Variants in TUBGCP3 observed in about 807,000 individuals in gnomAD.
TUBGCP3 encodes the protein gamma-tubulin complex component 3.
In TUBGCP3, 50 loss-of-function variants were observed where a neutral mutation model predicts 123.1. That is an observed-to-expected ratio of 0.41 (90% CI 0.32 to 0.51). The LOEUF (loss-of-function observed/expected upper bound fraction) is 0.51. Among genes scored for constraint, TUBGCP3 ranks in the 20% least tolerant of loss-of-function variants. TUBGCP3 has a pLI of 0.36. For missense variants in TUBGCP3, 882 were observed against 1,127.0 expected, an observed-to-expected ratio of 0.78 and a Z score of 3.11; for synonymous variants, 405 against 413.9, an observed-to-expected ratio of 0.98 and a Z score of 0.26.
At chr13:112,581,503 TG>T (rs996639226) in intron 1 of TUBGCP3, among the ~76,000 whole-genome samples, 3 of 152,014 alleles carry the variant, frequency 2.0e-5, no homozygotes, top group African/African-American at 7.2e-5. Context: ...TGGAGTGCAG[TG>T]GTAAGATCTC....
At chr13:112,522,835 C>T (rs907150096) in intron 13 of TUBGCP3, among the ~76,000 whole-genome samples, 2 of 152,210 alleles carry the variant, frequency 1.3e-5, no homozygotes, top group Non-Finnish European at 2.9e-5. Flanking sequence ...CTGAGTCACC[C>T]GTCCATACCC....
intron 20 of TUBGCP3, among the ~76,000 whole-genome samples, chr13:112,493,941 G>A (rs1369011833): frequency 1.3e-5 from 2 of 150,720 alleles, no homozygotes; most frequent in African/African-American, 4.9e-5. Flanking sequence ...ATGGCCTGGT[G>A]TCCCTGAGAT....
intron 14 of TUBGCP3, among the ~76,000 whole-genome samples, chr13:112,520,814 T>C (rs1399747725): frequency 6.6e-6 from 1 of 152,104 alleles, no homozygotes; most frequent in African/African-American, 2.4e-5. Flanking sequence ...AGCTAACACG[T>C]CTCTAATCGG....
chr13:112,580,202 A>G (rs773532304), intron 1 of TUBGCP3, among the ~76,000 whole-genome samples: 1 of 152,244 alleles, frequency 6.6e-6, no homozygotes, highest in African/African-American at 2.4e-5. Flanking sequence ...CTGTGAACCT[A>G]AACACTGAGA....
chr13:112,546,045 A>C lies in TUBGCP3; in HGVS notation c.1169-180T>G, dbSNP rs141082545. 7.7e-5 allele frequency: 46 copies of C among 594,294 alleles called. No individual in the cohort carries two copies. In the East Asian group the frequency reaches 1.1e-3, roughly 14 times the overall value. 36.8% of individuals were successfully genotyped at this position (594,294 alleles called of 1,614,324 possible). On this transcript the variant is annotated intron_variant, in intron 10 of 21. Coordinates refer to ENST00000261965, the MANE Select transcript of TUBGCP3 (RefSeq NM_006322.6). Reference sequence around the variant, plus strand: ...AACATGTCATGATTCAGAAACCAGGAGGTCCAGACTCCAACCCTGGCTTTA... The same window carrying C: ...AACATGTCATGATTCAGAAACCAGGCGGTCCAGACTCCAACCCTGGCTTTA...
intron 1 of TUBGCP3, among the ~76,000 whole-genome samples, chr13:112,581,200 T>C (rs1882254634): frequency 6.6e-6 from 1 of 152,008 alleles, no homozygotes; most frequent in South Asian, 2.1e-4. Context: ...CACCCCCCCA[T>C]CTTTCTGTCC....
At chr13:112,518,077 C>A in intron 16 of TUBGCP3, among the ~76,000 whole-genome samples, 1 of 151,700 alleles carries the variant, frequency 6.6e-6, no homozygotes, top group Non-Finnish European at 1.5e-5. Flanking sequence ...GGTTACACAC[C>A]AGGAATTTAT....
At chr13:112,584,383 A>G (rs1202170005) in intron 1 of TUBGCP3, among the ~76,000 whole-genome samples, 1 of 152,226 alleles carries the variant, frequency 6.6e-6, no homozygotes, top group Non-Finnish European at 1.5e-5. Flanking sequence ...AAAGCCTGAA[A>G]CTCTGAAGTT....
rs1880013673 is a variant in TUBGCP3, at chr13:112,556,136, A to G, written c.637T>C (p.Ser213Pro). ...LAWTLTANQP[S>P]SQATTSKGVP... ...CCTTTTGAGGTAGTGGCTTGTGAAG[A>G]AGGCTGATTTGCAGTTAAAGTCCAT... Residue 213 changes from serine (S) to proline (P), a missense_variant, in exon 6 of 22, where the codon TCT becomes CCT. Coordinates refer to ENST00000261965, the MANE Select transcript of TUBGCP3 (RefSeq NM_006322.6). 1.2e-6 allele frequency: 2 copies of G among 1,613,990 alleles called. No individual in the cohort carries two copies. The highest frequency in any genetic ancestry group is 1.7e-6 in the Non-Finnish European group (2 of 1,180,006).
At position 112,493,006 on chromosome 13, in the gene TUBGCP3, C is replaced by G. The variant is rs573189510; in HGVS notation, c.2449-3309G>C. 2.7e-5 allele frequency among the ~76,000 whole-genome samples: 4 copies of G among 148,486 alleles called. No homozygotes were observed. The South Asian group carries it at 8.6e-4, about 32-fold the overall frequency. On this transcript the variant is annotated intron_variant, in intron 20 of 21. Transcript: ENST00000261965. The stretch of plus-strand genomic sequence containing the variant: ...CGGGGCCTGGTGTCCTTGAGACTCT[C>G]TAGCTATGGGAACGGGGCCTGGTGT...
intron 21 of TUBGCP3, among the ~76,000 whole-genome samples, chr13:112,487,926 G>A: frequency 6.6e-6 from 1 of 152,042 alleles, no homozygotes; most frequent in Non-Finnish European, 1.5e-5. Context: ...GAGGTCAGGA[G>A]TTCAAGACCA....
intron 4 of TUBGCP3, 93 bp downstream of exon 4, chr13:112,559,229 T>C: frequency 9.9e-7 from 1 of 1,009,376 alleles, no homozygotes; most frequent in East Asian, 2.6e-5. Flanking sequence ...GTTGCTTTCC[T>C]AGCATTATTT....
chr13:112,559,451 C>G, intron 3 of TUBGCP3, 52 bp from the exon 4 acceptor site: 1 of 1,392,370 alleles, frequency 7.2e-7, no homozygotes, highest in Non-Finnish European at 9.9e-7. Flanking sequence ...TACTCTCCAG[C>G]CTTATTTTCC....
chr13:112,533,765 A>G (rs1877790818), intron 11 of TUBGCP3, among the ~76,000 whole-genome samples: 1 of 148,156 alleles, frequency 6.7e-6, no homozygotes, highest in Non-Finnish European at 1.5e-5. Context: ...GTTTGGACAC[A>G]CTAGATAAAG....
intron 21 of TUBGCP3, among the ~76,000 whole-genome samples, chr13:112,488,175 C>T (rs1019889789): frequency 5.5e-5 from 8 of 145,970 alleles, no homozygotes; most frequent in African/African-American, 2.0e-4. Context: ...GGGAAGCAAA[C>T]TAGATGCCCA....
chr13:112,498,867 G>GT (rs752830535), intron 20 of TUBGCP3, 178 bp downstream of exon 20: 1 of 1,609,898 alleles, frequency 6.2e-7, no homozygotes, highest in Non-Finnish European at 8.5e-7. Context: ...GCCAGTGAGG[G>GT]TGGCCCCTCC....
intron 1 of TUBGCP3, among the ~76,000 whole-genome samples, chr13:112,575,651 C>G (rs1403902435): frequency 6.6e-6 from 1 of 152,252 alleles, no homozygotes; most frequent in African/African-American, 2.4e-5. Context: ...AACACACGCT[C>G]TTTTCAAATG....
intron 8 of TUBGCP3, among the ~76,000 whole-genome samples, chr13:112,549,989 CAAAAAAAAAAAA>C (rs750596642): frequency 1.5e-4 from 6 of 40,202 alleles, no homozygotes; most frequent in East Asian, 8.9e-4. Context: ...GACTCCATCT[CAAAAAAAAAAAA>C]AAAAAAAAAA....
intron 11 of TUBGCP3, among the ~76,000 whole-genome samples, chr13:112,537,112 G>A (rs1291566656): frequency 7.4e-6 from 1 of 134,564 alleles, no homozygotes; most frequent in East Asian, 2.2e-4. Flanking sequence ...CTATCTGGAT[G>A]CTTTTACCTT....
Sources: gnomAD v4.1 joint callset for allele counts (sites outside exome capture counted in the v4.1 genomes callset) on GRCh38, gnomAD v4.1.1 for gene constraint, MANE v1.5 for transcripts, NCBI Gene and HGNC (gene_info 2026-07-23, HGNC 2026-07-21) for gene names.